The following PFKP variants were observed in gnomAD, a reference collection of about 807,000 sequenced individuals.
PFKP encodes ATP-dependent 6-phosphofructokinase, platelet type.
Under a neutral mutation model 94.3 loss-of-function variants are expected in PFKP, and 101 were observed. That is an observed-to-expected ratio of 1.07 (90% CI 0.91 to 1.26). PFKP has a LOEUF of 1.26. Ranked by LOEUF, PFKP falls within the 50% of genes most tolerant of loss-of-function variation. PFKP has a pLI of 0.00. For synonymous variants in PFKP, 573 were observed against 432.6 expected, an observed-to-expected ratio of 1.32 and a Z score of -4.03; for missense variants, 1,145 against 1,103.3, an observed-to-expected ratio of 1.04 and a Z score of -0.53.
chr10:3,135,900 G>A, intron 21 of PFKP, 62 bp downstream of exon 21: 1 of 971,996 alleles, frequency 1.0e-6, no homozygotes, highest in Admixed American at 1.9e-5. Flanking sequence ...CAGGGGAATG[G>A]CCATTGCTGT....
intron 2 of PFKP, among the ~76,000 whole-genome samples, chr10:3,095,538 G>A (rs1208772649): frequency 6.6e-6 from 1 of 152,222 alleles, no homozygotes; most frequent in African/African-American, 2.4e-5. Flanking sequence ...CAACAAGACA[G>A]AGAATGTTAC....
chr10:3,121,233 G>A (rs1250178375), intron 16 of PFKP, among the ~76,000 whole-genome samples: 1 of 151,574 alleles, frequency 6.6e-6, no homozygotes, highest in Non-Finnish European at 1.5e-5. Context: ...TTTGGCAGTT[G>A]CTAATCTCTG....
intron 2 of PFKP, among the ~76,000 whole-genome samples, chr10:3,090,584 A>G (rs1833967324): frequency 6.6e-6 from 1 of 151,130 alleles, no homozygotes; most frequent in Admixed American, 6.6e-5. Context: ...TCTGCGTCAT[A>G]CCCACAGGCT....
intron 2 of PFKP, among the ~76,000 whole-genome samples, chr10:3,095,250 C>T (rs971550177): frequency 2.0e-5 from 3 of 151,830 alleles, no homozygotes; most frequent in African/African-American, 7.3e-5. Context: ...AGGTGAACTA[C>T]GCGCATAGGT....
At chr10:3,068,767 C>A in intron 1 of PFKP, 1 of 870,634 alleles carries the variant, frequency 1.1e-6, no homozygotes, top group South Asian at 5.3e-5. Flanking sequence ...CCCAGGCGAA[C>A]GCAACCTGGG....
At chr10:3,132,326 CAGT>C (rs1428443977) in intron 17 of PFKP, 51 bp from the exon 18 acceptor site, 1 of 1,301,502 alleles carries the variant, frequency 7.7e-7, no homozygotes, top group African/African-American at 1.5e-5. Context: ...GCCTGGCACA[CAGT>C]AGGTACTTAG....
At chr10:3,110,561 T>C (rs1445106424) in intron 10 of PFKP, among the ~76,000 whole-genome samples, 1 of 152,084 alleles carries the variant, frequency 6.6e-6, no homozygotes, top group African/African-American at 2.4e-5. Context: ...GACTCCTGTT[T>C]TGTTGCCTCT....
At chr10:3,132,245 A>C in intron 17 of PFKP, 135 bp from the exon 18 acceptor site, 1 of 648,588 alleles carries the variant, frequency 1.5e-6, no homozygotes, top group East Asian at 2.8e-5. Context: ...CCCAAGACCC[A>C]AGCCGCGAGA....
At chr10:3,102,369 T>C (rs1427376555) in intron 4 of PFKP, among the ~76,000 whole-genome samples, 1 of 151,976 alleles carries the variant, frequency 6.6e-6, no homozygotes, top group Non-Finnish European at 1.5e-5. Flanking sequence ...AAAGCGTTTC[T>C]GAGAGCCCTG....
intron 2 of PFKP, among the ~76,000 whole-genome samples, chr10:3,089,703 A>G (rs915182544): frequency 6.7e-6 from 1 of 149,846 alleles, no homozygotes; most frequent in Non-Finnish European, 1.5e-5. Context: ...TGTATTATAC[A>G]TATCGTATAC....
At chr10:3,133,761 C>T (rs1838879603) in intron 19 of PFKP, among the ~76,000 whole-genome samples, 1 of 152,230 alleles carries the variant, frequency 6.6e-6, no homozygotes, top group African/African-American at 2.4e-5. Context: ...TGATGCCAAA[C>T]ATCACCAGCT....
intron 2 of PFKP, among the ~76,000 whole-genome samples, chr10:3,093,507 C>T (rs872398): frequency 0.31 from 47,130 of 152,072 alleles, 7,434 homozygotes; most frequent in Non-Finnish European, 0.35. Context: ...GCGTGCTCAC[C>T]GAGCTGGCTG....
In PFKP at chr10:3,108,870, GC is replaced by G. The variant is rs958326845; in HGVS notation, c.963+79del. 31 of 1,052,026 alleles carry G rather than the reference GC, an allele frequency of 2.9e-5. No individual in the cohort carries two copies. The Admixed American group carries it at 5.0e-4, about 17-fold the overall frequency. The allele number at this position is 1,052,026 out of a possible 1,614,324, so 65.2% of individuals were successfully genotyped here. A position where few individuals can be genotyped will look rare whatever the true frequency, so the allele number is the denominator to read the frequency against. On this transcript the variant is annotated intron_variant, in intron 9 of 21. Transcript: ENST00000381125. ...TCTGGAGAGGCACAGGCACCAGCCG[GC>G]CACAGAGGCTGGCAAGGTGCTCCCC...
chr10:3,097,940 TG>T (rs2131519234), intron 2 of PFKP, among the ~76,000 whole-genome samples: 1 of 152,134 alleles, frequency 6.6e-6, no homozygotes, highest in East Asian at 1.9e-4. Flanking sequence ...ACCTGGGAGA[TG>T]TAAGTTGCAG....
chr10:3,087,989 T>C (rs1173950198), intron 2 of PFKP, among the ~76,000 whole-genome samples: 2 of 137,868 alleles, frequency 1.5e-5, no homozygotes, highest in South Asian at 2.2e-4. Flanking sequence ...TCATTCTTTT[T>C]TTTTTTTTTT....
intron 3 of PFKP, among the ~76,000 whole-genome samples, chr10:3,099,869 T>C (rs1181295591): frequency 6.6e-6 from 1 of 151,872 alleles, no homozygotes; most frequent in African/African-American, 2.4e-5. Context: ...GTGTATGTGG[T>C]GTGTGAATCT....
chr10:3,072,716 C>G (rs1832290960), intron 1 of PFKP, among the ~76,000 whole-genome samples: 2 of 151,994 alleles, frequency 1.3e-5, no homozygotes, highest in South Asian at 2.1e-4. Flanking sequence ...GCTTTTGATA[C>G]AGGACTCCAA....
In PFKP at chr10:3,130,151, G is replaced by A. The variant is rs914280978; in HGVS notation, c.1848+168G>A. 2.6e-5 allele frequency among the ~76,000 whole-genome samples: 4 copies of A among 152,342 alleles called. No individual in the cohort carries two copies. In the South Asian group the frequency reaches 6.2e-4, roughly 24 times the overall value. On this transcript the variant is annotated intron_variant, in intron 17 of 21. Transcript: ENST00000381125. ...CGCATCGCCCAGGTGCCCCTACTGC[G>A]TGTCAGGTGACGGTGGGTGTGCCTG...
chr10:3,094,645 C>A (rs1202602789), intron 2 of PFKP, among the ~76,000 whole-genome samples: 1 of 152,130 alleles, frequency 6.6e-6, no homozygotes, highest in Non-Finnish European at 1.5e-5. Context: ...AGCCACGATT[C>A]CTGGCCTTTG....
Sources: gnomAD v4.1 joint callset for allele counts (sites outside exome capture counted in the v4.1 genomes callset) on GRCh38, gnomAD v4.1.1 for gene constraint, MANE v1.5 for transcripts, NCBI Gene and HGNC (gene_info 2026-07-23, HGNC 2026-07-21) for gene names.